CAPN2: variants seen among roughly 807,000 people sequenced by gnomAD.
CAPN2 encodes the protein calpain-2 catalytic subunit.
CAPN2 carries 92 observed loss-of-function variants against 102.3 expected under a neutral mutation model. The observed-to-expected ratio is 0.90, with a 90% CI of 0.76 to 1.07. CAPN2 has a LOEUF of 1.07. CAPN2 is among the 50% of genes least tolerant of loss of function. CAPN2 has a pLI of 0.00. For synonymous variants in CAPN2, 340 were observed against 355.4 expected (o/e 0.96, Z 0.49); for missense variants, 800 against 909.4 (o/e 0.88, Z 1.55).
At chr1:223,751,907 G>T in intron 7 of CAPN2, 90 bp from the exon 8 acceptor site, 2 of 815,306 alleles carry the variant, frequency 2.5e-6, no homozygotes, top group Middle Eastern at 3.0e-4. Context: ...GCCCTCAGAG[G>T]TGAGAGCAGA....
At chr1:223,741,179 C>T (rs778670856) in intron 2 of CAPN2, among the ~76,000 whole-genome samples, 17 of 113,632 alleles carry the variant, frequency 1.5e-4, no homozygotes, top group East Asian at 1.0e-3. Flanking sequence ...AACGCTTACA[C>T]GAGCAGATAT....
At chr1:223,773,051 A>G (rs537631917) in intron 20 of CAPN2, 3 of 152,416 alleles carry the variant, frequency 2.0e-5, no homozygotes, top group Non-Finnish European at 2.9e-5. Flanking sequence ...GGGCAGGTCT[A>G]AGGCACTGGC....
chr1:223,715,763 C>T (rs1486913029), intron 1 of CAPN2, among the ~76,000 whole-genome samples: 2 of 152,176 alleles, frequency 1.3e-5, no homozygotes, highest in Non-Finnish European at 2.9e-5. Flanking sequence ...AATCAAACCT[C>T]TGAGAGGTTT....
intron 2 of CAPN2, among the ~76,000 whole-genome samples, chr1:223,724,839 G>GGT (rs1660147153): frequency 6.6e-6 from 1 of 152,282 alleles, no homozygotes; most frequent in African/African-American, 2.4e-5. Context: ...TGGGCATGGT[G>GGT]GTGTGCACCT....
At chr1:223,768,129 A>G (rs955593085) in intron 16 of CAPN2, among the ~76,000 whole-genome samples, 9 of 151,626 alleles carry the variant, frequency 5.9e-5, no homozygotes, top group African/African-American at 1.9e-4. Flanking sequence ...ATTTTCTCCC[A>G]TTTTGTAGGT....
At chr1:223,717,870 T>G (rs779716972) in intron 2 of CAPN2, 39 bp downstream of exon 2, 1 of 1,498,966 alleles carries the variant, frequency 6.7e-7, no homozygotes, top group South Asian at 1.1e-5. Flanking sequence ...GGATCTTGTC[T>G]GTAAGGCTGT....
intron 2 of CAPN2, among the ~76,000 whole-genome samples, chr1:223,730,038 A>G (rs1301209219): frequency 2.1e-5 from 3 of 145,910 alleles, no homozygotes; most frequent in African/African-American, 2.6e-5. Flanking sequence ...AAAAAAAACG[A>G]AAACCTGAAA....
chr1:223,728,040 C>T (rs960551935), intron 2 of CAPN2, among the ~76,000 whole-genome samples: 1 of 152,048 alleles, frequency 6.6e-6, no homozygotes, highest in African/African-American at 2.4e-5. Flanking sequence ...ACTCTGTTAG[C>T]AGGTGTATCT....
chr1:223,772,014 A>G (rs930817170), intron 19 of CAPN2, 89 bp downstream of exon 19: 10 of 1,129,260 alleles, frequency 8.9e-6, no homozygotes, highest in African/African-American at 3.1e-5. Context: ...TCTAAACTAG[A>G]GACATGTCTT....
At chr1:223,740,676 A>G (rs948904007) in intron 2 of CAPN2, among the ~76,000 whole-genome samples, 26 of 152,252 alleles carry the variant, frequency 1.7e-4, no homozygotes, top group Non-Finnish European at 3.7e-4. Context: ...AGCTAAGAAC[A>G]TAAAGTACAT....
chr1:223,774,658 C>G (rs902375998), intron 20 of CAPN2, among the ~76,000 whole-genome samples, 176 bp from the exon 21 acceptor site: 1 of 152,176 alleles, frequency 6.6e-6, no homozygotes, highest in Non-Finnish European at 1.5e-5. Flanking sequence ...GACTACTGAC[C>G]TGTTAAAAGC....
In CAPN2 at chr1:223,774,974, G is replaced by A; in HGVS notation, c.*117G>A. ...AAATTATGGGAACATTTACTTAAAC[G>A]GATGATCATAGCTGAAAATAATGAT... On this transcript the variant is annotated 3_prime_UTR_variant, in exon 21 of 21. Transcript: ENST00000295006. 3.6e-6 allele frequency: 3 copies of A among 838,752 alleles called. No individual in the cohort carries two copies. Among genetic ancestry groups the A allele is most frequent in the East Asian group, 2.4e-5 (1 of 41,094 alleles). The allele number at this position is 838,752 out of a possible 1,614,324, so 52.0% of individuals were successfully genotyped here.
chr1:223,751,221 C>T (rs1243434243), intron 7 of CAPN2, among the ~76,000 whole-genome samples: 2 of 152,194 alleles, frequency 1.3e-5, no homozygotes, highest in African/African-American at 4.8e-5. Flanking sequence ...ATTCCTGCCA[C>T]TGCCTCCAGG....
chr1:223,734,494 C>T (rs1660403095), intron 2 of CAPN2, among the ~76,000 whole-genome samples: 1 of 152,096 alleles, frequency 6.6e-6, no homozygotes, highest in African/African-American at 2.4e-5. Flanking sequence ...TTCGGACACC[C>T]CTTGCTTCCA....
At chr1:223,735,786 C>T (rs1558065727) in intron 2 of CAPN2, among the ~76,000 whole-genome samples, 1 of 147,388 alleles carries the variant, frequency 6.8e-6, no homozygotes, top group Non-Finnish European at 1.5e-5. Context: ...CGTTTCTTTT[C>T]TTTTTTTTTT....
chr1:223,749,045 AG>A lies in CAPN2; in HGVS notation c.737del (p.Ser246ThrfsTer14), dbSNP rs1660821302. ...SLLGCSIDITSAADSEAITFQ... is the reference protein window; with the variant it reads ...SLLGCSIDITXAADSEAITFQ... Reference sequence around the variant, plus strand: ...ACGGTTGCTGTGTTTGCAGATCACCAGCGCCGCGGACTCGGAGGCCATCACG... The same window carrying A: ...ACGGTTGCTGTGTTTGCAGATCACCACGCCGCGGACTCGGAGGCCATCACG... On this transcript the variant is annotated frameshift_variant, in exon 6 of 21. Transcript: ENST00000295006. LOFTEE classifies it high-confidence loss of function. 1 of 1,613,818 alleles carries A rather than the reference AG, an allele frequency of 6.2e-7. No homozygotes were observed. Among genetic ancestry groups the A allele is most frequent in the Admixed American group, 1.7e-5 (1 of 60,006 alleles).
chr1:223,706,820 C>G (rs1048300723), intron 1 of CAPN2, among the ~76,000 whole-genome samples: 2 of 152,178 alleles, frequency 1.3e-5, no homozygotes, highest in African/African-American at 2.4e-5. Context: ...TGGCTCACAT[C>G]TGTAATCTCA....
chr1:223,762,720 A>T (rs933725973), intron 14 of CAPN2, among the ~76,000 whole-genome samples: 7 of 151,476 alleles, frequency 4.6e-5, no homozygotes, highest in Admixed American at 3.9e-4. Flanking sequence ...TCTCTCTGTC[A>T]CCCAGGCTGG....
chr1:223,765,409 G>A (rs1661286737), intron 15 of CAPN2, among the ~76,000 whole-genome samples: 1 of 152,210 alleles, frequency 6.6e-6, no homozygotes, highest in African/African-American at 2.4e-5. Context: ...AGAAGATTGT[G>A]TTTACCCTGG....
Sources: gnomAD v4.1 joint callset for allele counts (sites outside exome capture counted in the v4.1 genomes callset) on GRCh38, gnomAD v4.1.1 for gene constraint, MANE v1.5 for transcripts, NCBI Gene and HGNC (gene_info 2026-07-23, HGNC 2026-07-21) for gene names.